The following TMEM132B variants were observed in gnomAD, a reference collection of about 807,000 sequenced individuals.
TMEM132B encodes the protein transmembrane protein 132B.
In TMEM132B, 18 loss-of-function variants were observed where a neutral mutation model predicts 90.8. The observed-to-expected ratio is 0.20, with a 90% CI of 0.14 to 0.29. The LOEUF (loss-of-function observed/expected upper bound fraction) is 0.29, where lower values mean the gene tolerates loss of function less well. Ranked by LOEUF, TMEM132B falls within the 10% of genes least tolerant of loss-of-function variation. The probability of loss-of-function intolerance (pLI) is 1.00; values close to 1 mark genes in which losing one functional copy is unlikely to be tolerated. For missense variants in TMEM132B, 1,096 were observed against 1,326.8 expected (o/e 0.83, Z 2.70); for synonymous variants, 504 against 523.3 (o/e 0.96, Z 0.50).
chr12:125,556,535 C>A (rs1884391802), intron 4 of TMEM132B, among the ~76,000 whole-genome samples: 1 of 152,078 alleles, frequency 6.6e-6, no homozygotes, highest in Admixed American at 6.5e-5. Context: ...ATAAGAATTA[C>A]CCCATTTTTA....
At chr12:125,282,850 C>G (rs1355258232) in intron 1 of TMEM132B, among the ~76,000 whole-genome samples, 1 of 152,146 alleles carries the variant, frequency 6.6e-6, no homozygotes, top group Non-Finnish European at 1.5e-5. Context: ...TGGCTTAATA[C>G]CTGGTAGTGT....
chr12:125,405,402 T>C (rs1168467567), intron 2 of TMEM132B, among the ~76,000 whole-genome samples: 1 of 152,174 alleles, frequency 6.6e-6, no homozygotes, highest in Non-Finnish European at 1.5e-5. Context: ...ACCTAAGTAA[T>C]TACATCAATG....
At position 125,459,512 on chromosome 12, in the gene TMEM132B, C is replaced by T. The variant is rs959925521; in HGVS notation, c.1106+43835C>T. Among the ~76,000 whole-genome samples the T allele has an allele frequency of 6.6e-6, 1 of 152,054 alleles. No homozygotes were observed. The highest frequency in any genetic ancestry group is 2.4e-5 in the African/African-American group (1 of 41,384). On this transcript the variant is annotated intron_variant, in intron 3 of 8. Transcript: ENST00000682704. The surrounding 1 kb of genome is among the most constrained non-coding windows in gnomAD (Gnocchi z 4.1). ...ACATAGAGAGTAAAAGGATGGTTACCAGAAGCTGGAAGGGTAGTAGTAGGG... is the reference window on the plus strand; with the variant it reads ...ACATAGAGAGTAAAAGGATGGTTACTAGAAGCTGGAAGGGTAGTAGTAGGG...
chr12:125,342,158 G>T (rs956785412), intron 1 of TMEM132B, among the ~76,000 whole-genome samples: 3 of 152,130 alleles, frequency 2.0e-5, no homozygotes, highest in Non-Finnish European at 4.4e-5. Flanking sequence ...CACCTTTTAG[G>T]TTTTTACCTT....
chr12:125,401,166 C>T (rs1476810943), intron 2 of TMEM132B, among the ~76,000 whole-genome samples: 1 of 152,204 alleles, frequency 6.6e-6, no homozygotes, highest in Non-Finnish European at 1.5e-5. Flanking sequence ...CTTGAAGTCT[C>T]ATATTCGTGG....
At position 125,458,633 on chromosome 12, in the gene TMEM132B, GACTC is replaced by G. The variant is rs1486583223; in HGVS notation, c.1106+42959_1106+42962del. ...GCTGGCTCAGGACCCCTGGAAATGAGACTCACATCCATGCGGCCAGCGTCCGTGT... is the reference window on the plus strand; with the variant it reads ...GCTGGCTCAGGACCCCTGGAAATGAGACATCCATGCGGCCAGCGTCCGTGT... On this transcript the variant is annotated intron_variant, in intron 3 of 8. Transcript: ENST00000682704. This position sits in a 1 kb window ranked among gnomAD's most constrained non-coding sequence, Gnocchi z 4.9. Among the ~76,000 whole-genome samples the G allele has an allele frequency of 6.6e-6, 1 of 152,164 alleles. No individual in the cohort carries two copies. Among genetic ancestry groups the G allele is most frequent in the Non-Finnish European group, 1.5e-5 (1 of 68,032 alleles).
At chr12:125,280,334 A>G (rs751912996) in intron 1 of TMEM132B, among the ~76,000 whole-genome samples, 2 of 152,278 alleles carry the variant, frequency 1.3e-5, no homozygotes, top group Non-Finnish European at 2.9e-5. Context: ...TATGTACTCC[A>G]TAAATATGTG....
intron 4 of TMEM132B, among the ~76,000 whole-genome samples, chr12:125,554,499 T>G (rs1375889977): frequency 2.0e-5 from 3 of 150,670 alleles, no homozygotes; most frequent in Non-Finnish European, 4.4e-5. Context: ...CTTCTAATTG[T>G]GTGGCTTATA....
Position 125,349,017 on chromosome 12 carries a change from TAGAG to T in TMEM132B, c.68-432_68-429del, listed in dbSNP as rs1345193399. 2.0e-5 allele frequency among the ~76,000 whole-genome samples: 3 copies of T among 152,212 alleles called. No homozygotes were observed. Among genetic ancestry groups the T allele is most frequent in the Non-Finnish European group, 2.9e-5 (2 of 68,040 alleles). On this transcript the variant is annotated intron_variant, in intron 1 of 8. Coordinates refer to ENST00000682704, the MANE Select transcript of TMEM132B (RefSeq NM_001366854.1). The surrounding 1 kb of genome is among the most constrained non-coding windows in gnomAD (Gnocchi z 4.1). ...ACGTAGATTGTACTTATAGAAGTGA[TAGAG>T]AGCAGCATAAATATCAAAGTAATAA...
At chr12:125,635,765 A>G (rs572606133) in intron 5 of TMEM132B, among the ~76,000 whole-genome samples, 4 of 152,344 alleles carry the variant, frequency 2.6e-5, no homozygotes, top group Admixed American at 1.3e-4. Flanking sequence ...CCAACAGTGT[A>G]AAAGCATTCC....
At chr12:125,482,808 C>T (rs1196580447) in intron 3 of TMEM132B, among the ~76,000 whole-genome samples, 5 of 152,044 alleles carry the variant, frequency 3.3e-5, no homozygotes, top group East Asian at 3.8e-4. Flanking sequence ...ATGTTTATTG[C>T]GGCACTATTC....
chr12:125,309,789 C>T (rs1419814816), intron 1 of TMEM132B, among the ~76,000 whole-genome samples: 1 of 152,154 alleles, frequency 6.6e-6, no homozygotes, highest in Admixed American at 6.5e-5. Flanking sequence ...TACCCCAAGA[C>T]CTGGTGACTT....
At chr12:125,453,889 A>G (rs1424269106) in intron 3 of TMEM132B, among the ~76,000 whole-genome samples, 1 of 152,192 alleles carries the variant, frequency 6.6e-6, no homozygotes, top group African/African-American at 2.4e-5. Context: ...TGCCACAGCC[A>G]ATCACGGTGC....
chr12:125,436,344 C>G (rs377128942), intron 3 of TMEM132B, among the ~76,000 whole-genome samples: 3 of 152,332 alleles, frequency 2.0e-5, no homozygotes, highest in African/African-American at 7.2e-5. Flanking sequence ...TTGCCATGCT[C>G]TCTTCCTGTT....
intron 2 of TMEM132B, among the ~76,000 whole-genome samples, chr12:125,373,502 A>G (rs1313130121): frequency 1.3e-5 from 2 of 152,188 alleles, no homozygotes; most frequent in Non-Finnish European, 2.9e-5. Context: ...CCAGCCATGC[A>G]AACACCTTCA....
In TMEM132B at chr12:125,477,907, AGCAATATTTGCTGTTCT is replaced by A. The variant is rs376259983; in HGVS notation, c.1107-41511_1107-41495del. On this transcript the variant is annotated intron_variant, in intron 3 of 8. Coordinates refer to ENST00000682704, the MANE Select transcript of TMEM132B (RefSeq NM_001366854.1). Reference sequence around the variant, plus strand: ...GAAGCTTCCAGAGGAAGGATCAGGCAGCAATATTTGCTGTTCTGCAATATTTGCTGTTCTGCAGCCTC... The same window carrying A: ...GAAGCTTCCAGAGGAAGGATCAGGCAGCAATATTTGCTGTTCTGCAGCCTC... Among the ~76,000 whole-genome samples the A allele has an allele frequency of 9.5e-3, 1,452 of 152,324 alleles. 13 individuals are homozygous for A. The highest frequency in any genetic ancestry group is 0.044 in the Middle Eastern group (13 of 294).
intron 3 of TMEM132B, among the ~76,000 whole-genome samples, chr12:125,423,005 G>T (rs1269154965): frequency 6.6e-6 from 1 of 152,146 alleles, no homozygotes; most frequent in Non-Finnish European, 1.5e-5. Context: ...CCCAATCCTG[G>T]ATGCCCATCA....
chr12:125,536,046 T>C (rs1883787381), intron 4 of TMEM132B, among the ~76,000 whole-genome samples: 1 of 152,216 alleles, frequency 6.6e-6, no homozygotes. Context: ...GGAGGTGGGT[T>C]GCATCTGGGC....
intron 1 of TMEM132B, among the ~76,000 whole-genome samples, chr12:125,195,372 C>T (rs1232662046): frequency 2.1e-5 from 3 of 146,042 alleles, no homozygotes; most frequent in South Asian, 2.2e-4. Context: ...AGAGATGGAG[C>T]GCTGGGGAGG....
Sources: allele counts gnomAD v4.1 joint callset (sites outside exome capture counted in the v4.1 genomes callset), GRCh38; gene constraint gnomAD v4.1.1; non-coding constraint Gnocchi (gnomAD v3.1); transcripts MANE v1.5; gene names NCBI Gene and HGNC (gene_info 2026-07-23, HGNC 2026-07-21).